AGBL4: variants seen among roughly 807,000 people sequenced by gnomAD.
The protein encoded by AGBL4 is AGBL carboxypeptidase 4.
Under a neutral mutation model 66.4 loss-of-function variants are expected in AGBL4, and 58 were observed. The observed-to-expected ratio is 0.87, with a 90% CI of 0.71 to 1.09. The LOEUF is 1.09. Among genes scored for constraint, AGBL4 ranks in the 50% least tolerant of loss-of-function variants. The pLI is 0.00. For missense variants in AGBL4, 579 were observed against 631.0 expected, an observed-to-expected ratio of 0.92 and a Z score of 0.88; for synonymous variants, 234 against 222.9, an observed-to-expected ratio of 1.05 and a Z score of -0.44.
At chr1:49,619,614 T>C (rs1455459243) in intron 3 of AGBL4, among the ~76,000 whole-genome samples, 2 of 152,014 alleles carry the variant, frequency 1.3e-5, no homozygotes, top group Non-Finnish European at 1.5e-5. Flanking sequence ...AATTAGAGAA[T>C]ACTACTTTAA....
At chr1:49,353,653 T>C (rs1296847316) in intron 3 of AGBL4, among the ~76,000 whole-genome samples, 1 of 152,092 alleles carries the variant, frequency 6.6e-6, no homozygotes, top group Non-Finnish European at 1.5e-5. Context: ...GGCATTCCTG[T>C]TTCATGCCCA....
intron 4 of AGBL4, among the ~76,000 whole-genome samples, chr1:49,201,532 C>T (rs1647698563): frequency 1.3e-5 from 2 of 152,092 alleles, no homozygotes; most frequent in African/African-American, 4.8e-5. Context: ...AAGCTTAATG[C>T]AATTTCTTAG....
At chr1:49,801,051 T>G (rs1244944935) in intron 2 of AGBL4, among the ~76,000 whole-genome samples, 1 of 151,934 alleles carries the variant, frequency 6.6e-6, no homozygotes, top group Non-Finnish European at 1.5e-5. Flanking sequence ...TTTTAATGAT[T>G]GCCATTCTAA....
chr1:49,355,264 C>T (rs1643996029), intron 3 of AGBL4, among the ~76,000 whole-genome samples: 2 of 152,146 alleles, frequency 1.3e-5, no homozygotes, highest in Admixed American at 1.3e-4. Context: ...TCATAATCTC[C>T]ATCTCCCAAT....
chr1:49,649,410 A>G (rs528361496), intron 3 of AGBL4, among the ~76,000 whole-genome samples: 1 of 152,174 alleles, frequency 6.6e-6, no homozygotes, highest in South Asian at 2.1e-4. Context: ...CACTTCTTCA[A>G]GAAAACATAA....
intron 6 of AGBL4, among the ~76,000 whole-genome samples, chr1:48,809,497 G>A (rs189383300): frequency 6.6e-6 from 1 of 152,272 alleles, no homozygotes; most frequent in African/African-American, 2.4e-5. Context: ...GAAGCAACAT[G>A]GTAGACATCA....
chr1:48,573,698 T>C (rs1381215995), intron 11 of AGBL4, among the ~76,000 whole-genome samples: 1 of 152,208 alleles, frequency 6.6e-6, no homozygotes, highest in East Asian at 1.9e-4. Context: ...TTAAGAACCC[T>C]TCATGGAAGT....
intron 11 of AGBL4, among the ~76,000 whole-genome samples, chr1:48,543,227 G>A (rs1345507312): frequency 6.6e-6 from 1 of 152,160 alleles, no homozygotes; most frequent in Non-Finnish European, 1.5e-5. Flanking sequence ...GGTGAGGGGG[G>A]CATGCAGGGT....
chr1:48,863,901 C>T (rs7551454), intron 6 of AGBL4, among the ~76,000 whole-genome samples: 135,266 of 152,102 alleles, frequency 0.89, 60,740 homozygotes, highest in Non-Finnish European at 0.96. Flanking sequence ...CTTAAATAAG[C>T]CACAAAAGTA....
At chr1:49,567,484 G>C (rs1318165830) in intron 3 of AGBL4, among the ~76,000 whole-genome samples, 1 of 150,796 alleles carries the variant, frequency 6.6e-6, no homozygotes, top group Non-Finnish European at 1.5e-5. Context: ...GATAATTAAG[G>C]GTATCAAAAT....
intron 1 of AGBL4, among the ~76,000 whole-genome samples, chr1:49,885,899 C>T (rs1647980547): frequency 6.6e-6 from 1 of 152,062 alleles, no homozygotes; most frequent in Admixed American, 6.6e-5. Context: ...GAAATGTGGA[C>T]CTAAGGCTGA....
At chr1:49,409,997 C>A (rs948829091) in intron 3 of AGBL4, among the ~76,000 whole-genome samples, 11 of 152,140 alleles carry the variant, frequency 7.2e-5, no homozygotes, top group African/African-American at 2.7e-4. Context: ...GGTAAGCAGT[C>A]CTACAAAATT....
At chr1:49,471,466 T>G (rs1294759748) in intron 3 of AGBL4, among the ~76,000 whole-genome samples, 1 of 151,884 alleles carries the variant, frequency 6.6e-6, no homozygotes, top group East Asian at 1.9e-4. Flanking sequence ...AAACTAAAAC[T>G]CTTGGACTTT....
intron 6 of AGBL4, among the ~76,000 whole-genome samples, chr1:48,668,874 G>T (rs1646231683): frequency 6.6e-6 from 1 of 152,186 alleles, no homozygotes; most frequent in Admixed American, 6.5e-5. Flanking sequence ...GAATATATAG[G>T]TTTAGGAGAT....
intron 3 of AGBL4, among the ~76,000 whole-genome samples, chr1:49,649,138 C>A (rs1358405048): frequency 6.6e-6 from 1 of 151,986 alleles, no homozygotes; most frequent in Admixed American, 6.6e-5. Context: ...CATTGAGTGC[C>A]AAGCACTATA....
At chr1:48,988,985 T>G (rs1660398343) in intron 5 of AGBL4, among the ~76,000 whole-genome samples, 1 of 152,098 alleles carries the variant, frequency 6.6e-6, no homozygotes. Context: ...TCTAAGAAAT[T>G]TCACAGCTGT....
intron 1 of AGBL4, among the ~76,000 whole-genome samples, chr1:49,881,006 C>T (rs567363613): frequency 2.0e-5 from 3 of 152,252 alleles, no homozygotes; most frequent in East Asian, 1.9e-4. Flanking sequence ...CAATGCCTTG[C>T]CCTGCTTAGG....
rs535801978 is a variant in AGBL4 at position 48,741,454 on chromosome 1, C to T, written c.635-78213G>A. On this transcript the variant is annotated intron_variant, in intron 6 of 13. Transcript: ENST00000371839. ...TGCCACCTCTCCTCTGCAAAGCTGA[C>T]GTTTCAAGCCTGCTGAAGGCAGCAA... 6.6e-5 allele frequency among the ~76,000 whole-genome samples: 10 copies of T among 152,324 alleles called. No individual in the cohort carries two copies. In the East Asian group the frequency reaches 1.2e-3, roughly 18 times the overall value.
At chr1:48,827,755 C>T (rs1646458438) in intron 6 of AGBL4, among the ~76,000 whole-genome samples, 2 of 152,114 alleles carry the variant, frequency 1.3e-5, no homozygotes, top group Admixed American at 1.3e-4. Flanking sequence ...TTTCCACAGG[C>T]TGGGGGATGA....
Sources: gnomAD v4.1 joint callset for allele counts (sites outside exome capture counted in the v4.1 genomes callset) on GRCh38, gnomAD v4.1.1 for gene constraint, MANE v1.5 for transcripts, NCBI Gene and HGNC (gene_info 2026-07-23, HGNC 2026-07-21) for gene names.